UBAC2: variants seen among roughly 807,000 people sequenced by gnomAD.
The protein encoded by UBAC2 is ubiquitin-associated domain-containing protein 2.
A neutral mutation model predicts 44.0 loss-of-function variants in UBAC2; 26 were observed. The ratio of observed to expected loss-of-function variants is 0.59; its 90% CI spans 0.43 to 0.82. The LOEUF is 0.82. Among genes scored for constraint, UBAC2 ranks in the 40% least tolerant of loss-of-function variants. UBAC2 has a pLI of 0.00. For missense variants in UBAC2, 329 were observed against 419.4 expected, an observed-to-expected ratio of 0.78 and a Z score of 1.88; for synonymous variants, 155 against 154.3, an observed-to-expected ratio of 1.00 and a Z score of -0.04.
chr13:99,349,860 A>G (rs1025971093), intron 7 of UBAC2, among the ~76,000 whole-genome samples: 1 of 152,138 alleles, frequency 6.6e-6, no homozygotes, highest in African/African-American at 2.4e-5. Context: ...GACTGGGATA[A>G]TATCCAGCCT....
intron 1 of UBAC2, among the ~76,000 whole-genome samples, chr13:99,209,130 C>G (rs977943848): frequency 2.6e-5 from 4 of 152,308 alleles, no homozygotes; most frequent in Admixed American, 2.6e-4. Context: ...TTCCAGCTCT[C>G]TAGATTTCCC....
intron 4 of UBAC2, among the ~76,000 whole-genome samples, chr13:99,249,050 G>A (rs2043425055): frequency 6.6e-6 from 1 of 152,090 alleles, no homozygotes; most frequent in South Asian, 2.1e-4. Flanking sequence ...TCAGATTCAG[G>A]GGGTACATGT....
At chr13:99,262,705 C>T (rs1269550529) in intron 4 of UBAC2, among the ~76,000 whole-genome samples, 1 of 58,018 alleles carries the variant, frequency 1.7e-5, no homozygotes, top group African/African-American at 4.5e-5. Flanking sequence ...AGCAGAACTC[C>T]CTCTCAAAAA....
rs1167897195 is a variant in UBAC2 at position 99,296,074 on chromosome 13, A to G, written c.390-18023A>G. ...CTATCCTGGCCGTGCTGTGATGTGC[A>G]TAGAGGTCACAGTCATTTCCCTGAG... is the stretch of plus-strand genomic sequence containing the variant. On this transcript the variant is annotated intron_variant, in intron 4 of 8. Transcript: ENST00000403766. The G allele has an allele frequency of 3.7e-6, 6 of 1,614,006 alleles. No individual in the cohort carries two copies. In the Admixed American group the frequency reaches 5.0e-5, roughly 13 times the overall value.
chr13:99,288,681 ATT>A (rs1187173340), intron 4 of UBAC2, among the ~76,000 whole-genome samples: 5 of 152,228 alleles, frequency 3.3e-5, no homozygotes, highest in African/African-American at 1.2e-4. Context: ...ATCCTGACTG[ATT>A]TAAATGTCAT....
intron 1 of UBAC2, among the ~76,000 whole-genome samples, chr13:99,221,093 A>C (rs2043047783): frequency 6.6e-6 from 1 of 152,120 alleles, no homozygotes; most frequent in African/African-American, 2.4e-5. Context: ...TCCCATTTTT[A>C]TGGATAGAAC....
chr13:99,230,071 T>C (rs1290940103), intron 1 of UBAC2, among the ~76,000 whole-genome samples: 4 of 152,236 alleles, frequency 2.6e-5, no homozygotes, highest in Non-Finnish European at 5.9e-5. Context: ...CCTTAATATG[T>C]AGATTTTTGC....
chr13:99,265,583 C>G (rs1274866362), intron 4 of UBAC2, among the ~76,000 whole-genome samples: 2 of 152,196 alleles, frequency 1.3e-5, no homozygotes, highest in Admixed American at 6.5e-5. Context: ...CACTTTCACC[C>G]CTTTTCTTCT....
chr13:99,317,428 C>G (rs1474433389), intron 5 of UBAC2, among the ~76,000 whole-genome samples: 1 of 152,098 alleles, frequency 6.6e-6, no homozygotes, highest in Admixed American at 6.5e-5. Context: ...TTCATGAGAT[C>G]TAATTCTAAT....
At chr13:99,325,098 CTTTTT>C (rs55672515) in intron 6 of UBAC2, among the ~76,000 whole-genome samples, 3 of 86,126 alleles carry the variant, frequency 3.5e-5, no homozygotes, top group Admixed American at 1.4e-4. Flanking sequence ...TGTCTATGCT[CTTTTT>C]TTTTTTTTTT....
intron 2 of UBAC2, among the ~76,000 whole-genome samples, chr13:99,240,850 T>G (rs1159360785): frequency 2.6e-5 from 4 of 152,138 alleles, no homozygotes; most frequent in Non-Finnish European, 5.9e-5. Flanking sequence ...TAGAGACATA[T>G]GTGACAGGTT....
chr13:99,295,461 G>C lies in UBAC2; in HGVS notation c.390-18636G>C. ...CCAGATTTCTCAGTGAGTGGGTTTT[G>C]TTTGGCAGTTCTGAAGAGTTTGCAG... On this transcript the variant is annotated intron_variant, in intron 4 of 8. Transcript: ENST00000403766. This position sits in a 1 kb window ranked among gnomAD's most constrained non-coding sequence, Gnocchi z 4.1. 6.2e-7 allele frequency: 1 copy of C among 1,613,998 alleles called. No homozygotes were observed. The highest frequency in any genetic ancestry group is 8.5e-7 in the Non-Finnish European group (1 of 1,180,022).
intron 4 of UBAC2, among the ~76,000 whole-genome samples, chr13:99,297,392 A>G (rs55907415): frequency 0.092 from 14,005 of 152,186 alleles, 709 homozygotes; most frequent in East Asian, 0.12. Flanking sequence ...TTAAAGAACT[A>G]TACAGTATTT....
At chr13:99,240,048 G>C (rs1451946996) in intron 2 of UBAC2, among the ~76,000 whole-genome samples, 1 of 152,154 alleles carries the variant, frequency 6.6e-6, no homozygotes, top group Non-Finnish European at 1.5e-5. Context: ...TAGGAGTGTG[G>C]TACAGGAAGC....
At chr13:99,303,544 A>G (rs1927729) in intron 4 of UBAC2, among the ~76,000 whole-genome samples, 26,412 of 152,206 alleles carry the variant, frequency 0.17, 2,527 homozygotes, top group Middle Eastern at 0.23. Flanking sequence ...TAAGAATCCC[A>G]CCATAATACT....
intron 4 of UBAC2, among the ~76,000 whole-genome samples, chr13:99,304,499 T>C (rs905057329): frequency 1.3e-5 from 2 of 152,222 alleles, no homozygotes; most frequent in Non-Finnish European, 2.9e-5. Context: ...TATCTCTAGG[T>C]GATGTATGAT....
chr13:99,337,501 T>C (rs1382071195), intron 6 of UBAC2, among the ~76,000 whole-genome samples: 2 of 152,236 alleles, frequency 1.3e-5, no homozygotes, highest in African/African-American at 2.4e-5. Flanking sequence ...TTTCTTTTGT[T>C]TCACCACAGT....
chr13:99,329,670 A>G (rs1314747729), intron 6 of UBAC2, among the ~76,000 whole-genome samples: 3 of 152,144 alleles, frequency 2.0e-5, no homozygotes, highest in Non-Finnish European at 2.9e-5. Context: ...ATGGCCAACA[A>G]TCGTGGCCTC....
Position 99,200,896 on chromosome 13 carries a change from G to GC in UBAC2, c.-10dup, listed in dbSNP as rs772611996. The GC allele has an allele frequency of 7.7e-7, 1 of 1,303,502 alleles. No homozygotes were observed. The highest frequency in any genetic ancestry group is 9.8e-7 in the Non-Finnish European group (1 of 1,018,046). 80.7% of individuals were successfully genotyped at this position (1,303,502 alleles called of 1,614,324 possible). A position where few individuals can be genotyped will look rare whatever the true frequency, so the allele number is the denominator to read the frequency against. On this transcript the variant is annotated 5_prime_UTR_variant, in exon 1 of 9. Transcript: ENST00000403766. Reference sequence around the variant, plus strand: ...CCCCCGGCGCCCTCTGGGGCTCCGAGCCCGGCGGGACCATGTTCACCAGCA... The same window carrying GC: ...CCCCCGGCGCCCTCTGGGGCTCCGAGCCCCGGCGGGACCATGTTCACCAGCA...
Sources: gnomAD v4.1 joint callset for allele counts (sites outside exome capture counted in the v4.1 genomes callset) on GRCh38, gnomAD v4.1.1 for gene constraint, Gnocchi (gnomAD v3.1) non-coding constraint, MANE v1.5 for transcripts, NCBI Gene and HGNC (gene_info 2026-07-23, HGNC 2026-07-21) for gene names.